HTR1F: variants seen among roughly 807,000 people sequenced by gnomAD.
The protein encoded by HTR1F is 5-hydroxytryptamine receptor 1F.
A neutral mutation model predicts 24.0 loss-of-function variants in HTR1F; 17 were observed. That is an observed-to-expected ratio of 0.71 (90% CI 0.48 to 1.06). The LOEUF is 1.06. Ranked by LOEUF, HTR1F falls within the 50% of genes least tolerant of loss-of-function variation. The pLI is 0.00. For synonymous variants in HTR1F, 186 were observed against 156.8 expected, an observed-to-expected ratio of 1.19 and a Z score of -1.39; for missense variants, 391 against 427.8, an observed-to-expected ratio of 0.91 and a Z score of 0.76.
chr3:87,990,127 G>A (rs1705786483), intron 2 of HTR1F, among the ~76,000 whole-genome samples: 3 of 152,096 alleles, frequency 2.0e-5, no homozygotes, highest in South Asian at 4.2e-4. Context: ...ACTTGTTCGT[G>A]GAGTTTCTTC....
intron 2 of HTR1F, among the ~76,000 whole-genome samples, chr3:87,958,386 A>G (rs1704990869): frequency 6.6e-6 from 1 of 151,534 alleles, no homozygotes; most frequent in Non-Finnish European, 1.5e-5. Flanking sequence ...AACTTCTAAT[A>G]TGTTGGAGTG....
chr3:87,850,883 A>T (rs942543741), intron 2 of HTR1F, among the ~76,000 whole-genome samples: 1 of 150,908 alleles, frequency 6.6e-6, no homozygotes, highest in Non-Finnish European at 1.5e-5. Flanking sequence ...CTCTTCTGGA[A>T]TTAGGTGATT....
At chr3:87,862,898 C>A (rs1281449601) in intron 2 of HTR1F, among the ~76,000 whole-genome samples, 2 of 152,018 alleles carry the variant, frequency 1.3e-5, no homozygotes, top group Non-Finnish European at 2.9e-5. Flanking sequence ...TTCACTGCAA[C>A]CTCTGCCTCC....
At chr3:87,925,676 A>T (rs1348322443) in intron 2 of HTR1F, among the ~76,000 whole-genome samples, 1 of 152,136 alleles carries the variant, frequency 6.6e-6, no homozygotes, top group Non-Finnish European at 1.5e-5. Context: ...TCTTCTTTGG[A>T]GTAATGCAGC....
At chr3:87,977,464 T>G (rs1188826409) in intron 2 of HTR1F, among the ~76,000 whole-genome samples, 1 of 148,598 alleles carries the variant, frequency 6.7e-6, no homozygotes, top group Non-Finnish European at 1.5e-5. Context: ...AGTGGCTTGA[T>G]CTCAGCTCAC....
At chr3:87,959,695 C>G (rs559011938) in intron 2 of HTR1F, among the ~76,000 whole-genome samples, 1 of 150,894 alleles carries the variant, frequency 6.6e-6, no homozygotes, top group African/African-American at 2.4e-5. Context: ...ATAGCTCATG[C>G]TGTTCTGATA....
chr3:87,921,693 AT>A (rs1003414353), intron 2 of HTR1F, among the ~76,000 whole-genome samples: 2 of 151,786 alleles, frequency 1.3e-5, no homozygotes. Flanking sequence ...GTATTTTTTT[AT>A]TTGTTAACCA....
rs531854731 is a variant in HTR1F, at chr3:87,832,965, G to C, written c.-43+10841G>C. Among the ~76,000 whole-genome samples, 3 of 152,282 alleles carry C rather than the reference G, an allele frequency of 2.0e-5. No individual in the cohort carries two copies. The South Asian group carries it at 6.2e-4, about 32-fold the overall frequency. On this transcript the variant is annotated intron_variant, in intron 2 of 2. Transcript: ENST00000319595. ...TTCAGACTGGTGTAACAGGACTTAC[G>C]TGTCTGGAAATCACCTTTTCCTTAC...
intron 2 of HTR1F, among the ~76,000 whole-genome samples, chr3:87,827,755 C>T (rs1476284346): frequency 2.0e-5 from 3 of 152,212 alleles, no homozygotes; most frequent in Admixed American, 1.3e-4. Flanking sequence ...TGCCAAAAAA[C>T]ATAGCCCTAT....
chr3:87,953,783 C>T lies in HTR1F; in HGVS notation c.-42-36925C>T, dbSNP rs149642628. On this transcript the variant is annotated intron_variant, in intron 2 of 2. Coordinates refer to ENST00000319595, the MANE Select transcript of HTR1F (RefSeq NM_001322209.2). ...ACAATAGCCAAGATATGGAATCAAC[C>T]TAAGTGCCCATCGATGGCTAAATAG... 2.5e-3 allele frequency among the ~76,000 whole-genome samples: 387 copies of T among 151,880 alleles called. 4 individuals are homozygous for T. The South Asian group carries it at 0.043, about 17-fold the overall frequency.
chr3:87,950,725 T>G (rs996945616), intron 2 of HTR1F, among the ~76,000 whole-genome samples: 9 of 152,102 alleles, frequency 5.9e-5, no homozygotes, highest in African/African-American at 2.2e-4. Flanking sequence ...CAAAACAAAA[T>G]GTATATATGC....
chr3:87,979,013 A>G (rs1576115081), intron 2 of HTR1F, among the ~76,000 whole-genome samples: 1 of 10,362 alleles, frequency 9.7e-5, no homozygotes, highest in Non-Finnish European at 2.4e-4. Context: ...GAAGGAAGGG[A>G]GGGAAGGAGG....
chr3:87,888,326 G>T (rs1706004023), intron 2 of HTR1F, among the ~76,000 whole-genome samples: 1 of 152,106 alleles, frequency 6.6e-6, no homozygotes, highest in Non-Finnish European at 1.5e-5. Flanking sequence ...TTGTAGGGTG[G>T]GGTCTGGAGG....
chr3:87,801,126 GC>G (rs1353077318), intron 1 of HTR1F, among the ~76,000 whole-genome samples: 1 of 152,076 alleles, frequency 6.6e-6, no homozygotes, highest in African/African-American at 2.4e-5. Context: ...TCAAAACAAT[GC>G]CAACTAATAT....
chr3:87,988,735 AT>A (rs533969918), intron 2 of HTR1F, among the ~76,000 whole-genome samples: 1,739 of 141,964 alleles, frequency 0.012, 28 homozygotes, highest in African/African-American at 0.038. Flanking sequence ...AGCCCCAATA[AT>A]TTTTTTTTTT....
At chr3:87,968,405 G>A (rs1034140386) in intron 2 of HTR1F, among the ~76,000 whole-genome samples, 2 of 152,166 alleles carry the variant, frequency 1.3e-5, no homozygotes, top group African/African-American at 4.8e-5. Context: ...TAGAGACAGG[G>A]TTTCACCATG....
At chr3:87,929,223 T>A (rs1459200371) in intron 2 of HTR1F, among the ~76,000 whole-genome samples, 1 of 152,158 alleles carries the variant, frequency 6.6e-6, no homozygotes, top group Admixed American at 6.6e-5. Flanking sequence ...AGAAAGCACA[T>A]GGCACCTGGC....
At chr3:87,907,101 G>C (rs1043764860) in intron 2 of HTR1F, among the ~76,000 whole-genome samples, 3 of 151,968 alleles carry the variant, frequency 2.0e-5, no homozygotes, top group Non-Finnish European at 4.4e-5. Flanking sequence ...GGCTCTTTAA[G>C]GAATCTCCAT....
chr3:87,986,843 A>G (rs1274112353), intron 2 of HTR1F, among the ~76,000 whole-genome samples: 1 of 152,112 alleles, frequency 6.6e-6, no homozygotes, highest in Non-Finnish European at 1.5e-5. Context: ...GGTGGCTCAC[A>G]CCTGTAATCC....
Sources: allele counts gnomAD v4.1 joint callset (sites outside exome capture counted in the v4.1 genomes callset), GRCh38; gene constraint gnomAD v4.1.1; transcripts MANE v1.5; gene names NCBI Gene and HGNC (gene_info 2026-07-23, HGNC 2026-07-21).